CADPS2: variants seen among roughly 807,000 people sequenced by gnomAD.
The protein encoded by CADPS2 is calcium-dependent secretion activator 2.
In CADPS2, 93 loss-of-function variants were observed where a neutral mutation model predicts 172.5. The ratio of observed to expected loss-of-function variants is 0.54; its 90% CI spans 0.46 to 0.64. The LOEUF (loss-of-function observed/expected upper bound fraction) is 0.64. Among genes scored for constraint, CADPS2 ranks in the 30% least tolerant of loss-of-function variants. The pLI is 0.00. For missense variants in CADPS2, 1,420 were observed against 1,565.9 expected (o/e 0.91, Z 1.57); for synonymous variants, 546 against 555.2 (o/e 0.98, Z 0.23).
At chr7:122,593,956 C>T (rs1318758274) in intron 6 of CADPS2, among the ~76,000 whole-genome samples, 5 of 151,958 alleles carry the variant, frequency 3.3e-5, no homozygotes, top group African/African-American at 1.2e-4. Context: ...ATCTTTTAAC[C>T]TTCCTTTAAA....
chr7:122,803,878 G>A (rs1016792027), intron 1 of CADPS2, among the ~76,000 whole-genome samples: 1 of 151,248 alleles, frequency 6.6e-6, no homozygotes, highest in African/African-American at 2.4e-5. Context: ...AATTTCTCTA[G>A]GGGATGGGTT....
chr7:122,882,132 C>T (rs2141776652), intron 1 of CADPS2, among the ~76,000 whole-genome samples: 1 of 152,208 alleles, frequency 6.6e-6, no homozygotes, highest in East Asian at 1.9e-4. Context: ...ATACTATTTC[C>T]CCAAATGTTC....
intron 6 of CADPS2, among the ~76,000 whole-genome samples, chr7:122,590,162 A>AAAAC (rs746303444): frequency 2.6e-5 from 4 of 152,016 alleles, no homozygotes; most frequent in East Asian, 3.9e-4. Flanking sequence ...ATCTTAAAGA[A>AAAAC]AAACAAACAA....
chr7:122,755,410 A>G (rs953594760), intron 1 of CADPS2, among the ~76,000 whole-genome samples: 1 of 152,194 alleles, frequency 6.6e-6, no homozygotes, highest in African/African-American at 2.4e-5. Context: ...CACATCAACT[A>G]CAAAATCACT....
chr7:122,674,540 A>G (rs1444748295), intron 2 of CADPS2, among the ~76,000 whole-genome samples: 2 of 152,232 alleles, frequency 1.3e-5, no homozygotes, highest in Non-Finnish European at 2.9e-5. Context: ...TGAACTAATA[A>G]CAAAAGTGAA....
At chr7:122,629,937 A>T (rs996439598) in intron 3 of CADPS2, among the ~76,000 whole-genome samples, 2 of 151,900 alleles carry the variant, frequency 1.3e-5, no homozygotes, top group African/African-American at 4.8e-5. Context: ...TGCTCTCATC[A>T]TTTTTTTTAG....
chr7:122,630,837 C>T (rs755898088), intron 3 of CADPS2, among the ~76,000 whole-genome samples: 2 of 151,962 alleles, frequency 1.3e-5, no homozygotes, highest in Non-Finnish European at 2.9e-5. Flanking sequence ...TTTTAAAAAA[C>T]CAAATTCATT....
intron 13 of CADPS2, among the ~76,000 whole-genome samples, chr7:122,472,183 T>C (rs1258900391): frequency 6.6e-6 from 1 of 152,182 alleles, no homozygotes; most frequent in African/African-American, 2.4e-5. Flanking sequence ...CGGCTAAAAC[T>C]GGAGGACAGG....
intron 1 of CADPS2, among the ~76,000 whole-genome samples, chr7:122,863,473 A>G (rs1817492734): frequency 6.6e-6 from 1 of 152,212 alleles, no homozygotes; most frequent in Non-Finnish European, 1.5e-5. Flanking sequence ...AGAAAATTCA[A>G]AAACACCCCC....
rs75792974 is a variant in CADPS2, at chr7:122,407,741, T to C, written c.2590-45A>G. ...TAAAGGAGAAAAGTAGATTACTTTT[T>C]AGAAACATGCACAAGTACTGTGCCA... On this transcript the variant is annotated intron_variant, in intron 19 of 29. Transcript: ENST00000449022. The C allele has an allele frequency of 1.8e-4, 279 of 1,516,142 alleles. 1 individual carries two copies. The East Asian group carries it at 6.3e-3, about 34-fold the overall frequency. 93.9% of individuals were successfully genotyped at this position (1,516,142 alleles called of 1,614,324 possible). A position where few individuals can be genotyped will look rare whatever the true frequency, so the allele number is the denominator to read the frequency against.
In CADPS2 at chr7:122,451,354, A is replaced by G; in HGVS notation, c.2288+20T>C. ...GTAAAGTATGAAAAGAAATATTTATATTAATAAAAAAATATATACCTGAAA... is the reference window on the plus strand; with the variant it reads ...GTAAAGTATGAAAAGAAATATTTATGTTAATAAAAAAATATATACCTGAAA... On this transcript the variant is annotated intron_variant, in intron 15 of 29. Coordinates refer to ENST00000449022, the MANE Select transcript of CADPS2 (RefSeq NM_017954.11). The G allele has an allele frequency of 8.0e-7, 1 of 1,246,306 alleles. No homozygotes were observed. The highest frequency in any genetic ancestry group is 2.8e-4 in the Middle Eastern group (1 of 3,584). 77.2% of individuals were successfully genotyped at this position (1,246,306 alleles called of 1,614,324 possible).
chr7:122,408,036 T>C (rs958680110), intron 19 of CADPS2, among the ~76,000 whole-genome samples: 3 of 152,116 alleles, frequency 2.0e-5, no homozygotes, highest in African/African-American at 7.2e-5. Flanking sequence ...CTATTCTGAA[T>C]TTTTTGGTGT....
At chr7:122,418,645 G>A (rs1053966065) in intron 17 of CADPS2, among the ~76,000 whole-genome samples, 1 of 152,136 alleles carries the variant, frequency 6.6e-6, no homozygotes, top group African/African-American at 2.4e-5. Context: ...TAGAAAAGAA[G>A]GGAAAGATGC....
intron 2 of CADPS2, among the ~76,000 whole-genome samples, chr7:122,726,943 T>C (rs1449464951): frequency 6.6e-6 from 1 of 151,958 alleles, no homozygotes; most frequent in Non-Finnish European, 1.5e-5. Flanking sequence ...TTAAAGAGCA[T>C]TTCCCTGATT....
At chr7:122,675,438 T>C (rs1383197427) in intron 2 of CADPS2, among the ~76,000 whole-genome samples, 1 of 152,222 alleles carries the variant, frequency 6.6e-6, no homozygotes, top group African/African-American at 2.4e-5. Flanking sequence ...TCCAGTTATT[T>C]TTTGGAAAAG....
At chr7:122,544,726 T>A (rs777884080) in intron 8 of CADPS2, among the ~76,000 whole-genome samples, 5 of 152,162 alleles carry the variant, frequency 3.3e-5, no homozygotes, top group Non-Finnish European at 7.4e-5. Flanking sequence ...TATGCTTATG[T>A]CAAATCTGCT....
chr7:122,725,423 A>T (rs1370119756), intron 2 of CADPS2, among the ~76,000 whole-genome samples: 1 of 151,774 alleles, frequency 6.6e-6, no homozygotes, highest in African/African-American at 2.4e-5. Flanking sequence ...TGATTGATTT[A>T]GGGGGTATAA....
At chr7:122,391,856 G>A (rs1026541739) in intron 22 of CADPS2, among the ~76,000 whole-genome samples, 4 of 152,148 alleles carry the variant, frequency 2.6e-5, no homozygotes, top group African/African-American at 9.7e-5. Context: ...TTCTATGACA[G>A]CAGAACAAAT....
chr7:122,618,745 T>C (rs1030755166), intron 5 of CADPS2, among the ~76,000 whole-genome samples: 3 of 152,190 alleles, frequency 2.0e-5, no homozygotes, highest in African/African-American at 7.2e-5. Flanking sequence ...GGACTAGAGA[T>C]AATTATTCAG....
Sources: gnomAD v4.1 joint callset for allele counts (sites outside exome capture counted in the v4.1 genomes callset) on GRCh38, gnomAD v4.1.1 for gene constraint, MANE v1.5 for transcripts, NCBI Gene and HGNC (gene_info 2026-07-23, HGNC 2026-07-21) for gene names.